RAPGEF4: variants seen among roughly 807,000 people sequenced by gnomAD.
The protein encoded by RAPGEF4 is Rap guanine nucleotide exchange factor 4, also known as RAP guanine-nucleotide-exchange factor (GEF) 4.
RAPGEF4 carries 66 observed loss-of-function variants against 147.9 expected under a neutral mutation model. The observed-to-expected ratio is 0.45, with a 90% CI of 0.37 to 0.55. The LOEUF (loss-of-function observed/expected upper bound fraction) is 0.55. RAPGEF4 is among the 20% of genes least tolerant of loss of function. The pLI is 0.00. For missense variants in RAPGEF4, 1,071 were observed against 1,257.3 expected, an observed-to-expected ratio of 0.85 and a Z score of 2.24; for synonymous variants, 419 against 442.7, an observed-to-expected ratio of 0.95 and a Z score of 0.67.
intron 4 of RAPGEF4, among the ~76,000 whole-genome samples, chr2:172,907,563 G>A (rs1699749397): frequency 6.6e-6 from 1 of 152,168 alleles, no homozygotes; most frequent in Non-Finnish European, 1.5e-5. Flanking sequence ...ATTTTACCAT[G>A]TGGGTGAAAA....
rs751888480 is a variant in RAPGEF4, at chr2:173,014,583, A to G, written c.1778A>G (p.Gln593Arg). Residue 593 changes from glutamine (Q) to arginine (R), a missense_variant, in exon 18 of 31, where the codon CAA becomes CGA. Gln to Arg is a conservative substitution (Grantham distance 43). Coordinates refer to ENST00000397081, the MANE Select transcript of RAPGEF4 (RefSeq NM_007023.4). ...GCTGCCATGTATGGAGACCTCCTGCAAGAGGATGACGTGTCTATGGCCTTC... is the reference window on the plus strand; with the variant it reads ...GCTGCCATGTATGGAGACCTCCTGCGAGAGGATGACGTGTCTATGGCCTTC... Reference protein sequence around the residue: ...QWAAMYGDLLQEDDVSMAFLE... With the variant: ...QWAAMYGDLLREDDVSMAFLE... 5 of 1,613,952 alleles carry G rather than the reference A, an allele frequency of 3.1e-6. No individual in the cohort carries two copies. The highest frequency in any genetic ancestry group is 1.3e-5 in the African/African-American group (1 of 74,918).
intron 4 of RAPGEF4, among the ~76,000 whole-genome samples, chr2:172,844,687 A>C (rs1691976527): frequency 6.6e-6 from 1 of 152,214 alleles, no homozygotes; most frequent in Non-Finnish European, 1.5e-5. Flanking sequence ...GAATTTCCTC[A>C]GAGGACTTCT....
chr2:172,884,169 A>G (rs1248769274), intron 4 of RAPGEF4, among the ~76,000 whole-genome samples: 5 of 152,202 alleles, frequency 3.3e-5, no homozygotes, highest in Non-Finnish European at 7.3e-5. Flanking sequence ...GAACTGTTAA[A>G]ATGTATGAGG....
rs1423218829 is a variant in RAPGEF4 at position 172,907,956 on chromosome 2, A to G, written c.445-9846A>G. ...TGTTATCCCAGTTTCCTTACCCAAG[A>G]GACTGAGGTAAGTAACTGACCCACG... On this transcript the variant is annotated intron_variant, in intron 4 of 30. Transcript: ENST00000397081. Among the ~76,000 whole-genome samples, 4 of 152,340 alleles carry G rather than the reference A, an allele frequency of 2.6e-5. No homozygotes were observed. The South Asian group carries it at 8.3e-4, about 32-fold the overall frequency.
At chr2:173,046,508 C>A (rs1207288088) in intron 29 of RAPGEF4, among the ~76,000 whole-genome samples, 1 of 152,194 alleles carries the variant, frequency 6.6e-6, no homozygotes. Flanking sequence ...TCGGTAATTA[C>A]ACTCCATTCA....
chr2:172,904,769 C>T (rs946612781), intron 4 of RAPGEF4, among the ~76,000 whole-genome samples: 2 of 151,920 alleles, frequency 1.3e-5, no homozygotes, highest in African/African-American at 4.8e-5. Context: ...CATTTCCAGC[C>T]CCCTTGAGGT....
chr2:172,982,382 G>A (rs1476315023), intron 10 of RAPGEF4, among the ~76,000 whole-genome samples: 2 of 152,176 alleles, frequency 1.3e-5, no homozygotes, highest in Admixed American at 1.3e-4. Flanking sequence ...TTAGCTGAGA[G>A]TAAATGCCGC....
rs2106112526 is a variant in RAPGEF4 at position 173,051,881 on chromosome 2, A to G, written c.*114A>G. 7.7e-7 allele frequency: 1 copy of G among 1,302,866 alleles called. No individual in the cohort carries two copies. Among genetic ancestry groups the G allele is most frequent in the Non-Finnish European group, 1.1e-6 (1 of 935,050 alleles). 80.7% of individuals were successfully genotyped at this position (1,302,866 alleles called of 1,614,324 possible). On this transcript the variant is annotated 3_prime_UTR_variant, in exon 31 of 31. Transcript: ENST00000397081. ...AGAGAATTCTACAAAACAAGCAAAA[A>G]CACATCCTGAGACACCTCAGGGCTG...
intron 5 of RAPGEF4, among the ~76,000 whole-genome samples, chr2:172,918,428 T>C (rs543627801): frequency 7.1e-6 from 1 of 139,892 alleles, no homozygotes; most frequent in South Asian, 2.3e-4. Flanking sequence ...CTATGGAAGG[T>C]GACAGATAGG....
At chr2:172,915,481 G>A (rs1295275654) in intron 4 of RAPGEF4, among the ~76,000 whole-genome samples, 3 of 151,974 alleles carry the variant, frequency 2.0e-5, no homozygotes, top group African/African-American at 7.2e-5. Context: ...CGGGTGGATT[G>A]CTTTGAGCTC....
intron 4 of RAPGEF4, among the ~76,000 whole-genome samples, chr2:172,913,400 C>T (rs1480554651): frequency 6.6e-6 from 1 of 152,226 alleles, no homozygotes; most frequent in Non-Finnish European, 1.5e-5. Flanking sequence ...TCACAGATTT[C>T]TGTGGGTCAC....
intron 1 of RAPGEF4, among the ~76,000 whole-genome samples, chr2:172,763,146 C>G (rs962450927): frequency 6.6e-6 from 1 of 152,212 alleles, no homozygotes; most frequent in Non-Finnish European, 1.5e-5. Context: ...TCTCAAATCC[C>G]AGAACCTACT....
intron 4 of RAPGEF4, among the ~76,000 whole-genome samples, chr2:172,817,691 T>A (rs1353615662): frequency 2.0e-5 from 3 of 152,040 alleles, no homozygotes; most frequent in African/African-American, 7.2e-5. Context: ...GATTCCTTAA[T>A]GAACAAAAAT....
chr2:172,795,325 A>G (rs1421894774), intron 2 of RAPGEF4, among the ~76,000 whole-genome samples, 158 bp downstream of exon 2: 4 of 152,216 alleles, frequency 2.6e-5, no homozygotes, highest in Non-Finnish European at 4.4e-5. Flanking sequence ...CTGTTTATTC[A>G]GTTGCATGTA....
chr2:173,003,960 T>A (rs941871165), intron 17 of RAPGEF4, among the ~76,000 whole-genome samples: 1 of 152,232 alleles, frequency 6.6e-6, no homozygotes, highest in Non-Finnish European at 1.5e-5. Flanking sequence ...TAGTGGAGTA[T>A]TTTTAAAGTG....
rs1326619692 is a variant in RAPGEF4 at position 172,960,782 on chromosome 2, T to C, written c.560T>C (p.Val187Ala). ...CAGACACCTCTCATTGAACCTCACGTTCCTCTTCGTCCTGCTAACACCATT... is the reference window on the plus strand; with the variant it reads ...CAGACACCTCTCATTGAACCTCACGCTCCTCTTCGTCCTGCTAACACCATT... ...KENTPLIEPH[V>A]PLRPANTITK... The change falls in exon 7 of 31, where the codon GTT becomes GCT. Residue 187 changes from valine (V) to alanine (A), a missense_variant. Transcript: ENST00000397081. The C allele has an allele frequency of 6.2e-7, 1 of 1,607,178 alleles. No homozygotes were observed. The highest frequency in any genetic ancestry group is 2.2e-5 in the East Asian group (1 of 44,632).
At chr2:172,749,329 C>T (rs1695053199) in intron 1 of RAPGEF4, among the ~76,000 whole-genome samples, 1 of 152,230 alleles carries the variant, frequency 6.6e-6, no homozygotes, top group South Asian at 2.1e-4. Flanking sequence ...TTCCATACAT[C>T]CCCCAAAATC....
intron 16 of RAPGEF4, among the ~76,000 whole-genome samples, chr2:172,998,431 C>T (rs531047654): frequency 5.3e-5 from 8 of 152,196 alleles, no homozygotes; most frequent in East Asian, 3.9e-4. Context: ...AATGTAAAGC[C>T]GGCTGGGTGC....
At chr2:172,814,692 T>C in intron 4 of RAPGEF4, 1 of 440,684 alleles carries the variant, frequency 2.3e-6, no homozygotes, top group Non-Finnish European at 4.2e-6. Flanking sequence ...CATAGAGTGT[T>C]TTATGTATTT....
Sources: gnomAD v4.1 joint callset for allele counts (sites outside exome capture counted in the v4.1 genomes callset) on GRCh38, gnomAD v4.1.1 for gene constraint, MANE v1.5 for transcripts, NCBI Gene and HGNC (gene_info 2026-07-23, HGNC 2026-07-21) for gene names.